DCLRE1A: variants seen among roughly 807,000 people sequenced by gnomAD.
DCLRE1A encodes DNA cross-link repair 1A protein.
In DCLRE1A, 64 loss-of-function variants were observed where a neutral mutation model predicts 91.9. The observed-to-expected ratio is 0.70, with a 90% confidence interval of 0.57 to 0.86. DCLRE1A has a LOEUF of 0.86. Ranked by LOEUF, DCLRE1A falls within the 40% of genes least tolerant of loss-of-function variation. DCLRE1A has a pLI of 0.00. For synonymous variants in DCLRE1A, 416 were observed against 431.1 expected (o/e 0.96, Z 0.43); for missense variants, 1,145 against 1,213.3 (o/e 0.94, Z 0.84).
rs1845687954 is a variant in DCLRE1A at position 113,853,104 on chromosome 10, C to T, written c.79G>A (p.Gly27Ser). The T allele has an allele frequency of 1.2e-6, 2 of 1,606,028 alleles. No homozygotes were observed. Among genetic ancestry groups the T allele is most frequent in the Non-Finnish European group, 1.7e-6 (2 of 1,178,194 alleles). The change falls in exon 1 of 9, where the codon GGC becomes AGC. Residue 27 changes from glycine to serine, a missense_variant. Coordinates refer to ENST00000361384, the MANE Select transcript of DCLRE1A (RefSeq NM_014881.5). ...RKPKRVDPNN[G>S]SKNILKSVEK... is the part of the protein sequence containing the mutation. ...ACAGATTTTAGAATATTTTTAGAGC[C>T]ATTATTTGGATCAACTCGTTTTGGT...
At chr10:113,851,915 T>C (rs1437892578) in intron 1 of DCLRE1A, among the ~76,000 whole-genome samples, 1 of 152,170 alleles carries the variant, frequency 6.6e-6, no homozygotes, top group African/African-American at 2.4e-5. Flanking sequence ...TTTCACCATG[T>C]TGCACAGGCT....
Position 113,849,779 on chromosome 10 carries a change from T to G in DCLRE1A, c.1326A>C (p.Lys442Asn), listed in dbSNP as rs151166777. The G allele has an allele frequency of 7.4e-6, 12 of 1,614,066 alleles. No homozygotes were observed. In the African/African-American group the frequency reaches 1.6e-4, roughly 22 times the overall value. Residue 442 changes from lysine to asparagine, a missense_variant, in exon 2 of 9, where the codon AAA becomes AAC. Physicochemically the swap from Lys to Asn is moderately conservative, Grantham distance 94 (BLOSUM62 0). Transcript: ENST00000361384. The part of the protein sequence containing the change: ...EPEFHSAQSN[K>N]QKQVIEESSV... ...ATGATTCTTCAATTACCTGTTTCTG[T>G]TTATTTGATTGAGCTGAGTGAAATT...
intron 1 of DCLRE1A, among the ~76,000 whole-genome samples, chr10:113,851,919 A>C (rs1012112242): frequency 3.9e-5 from 6 of 152,012 alleles, no homozygotes; most frequent in Non-Finnish European, 8.8e-5. Flanking sequence ...ACCATGTTGC[A>C]CAGGCTGGTC....
chr10:113,851,823 T>TGGG, intron 1 of DCLRE1A, among the ~76,000 whole-genome samples: 1 of 151,784 alleles, frequency 6.6e-6, no homozygotes, highest in Non-Finnish European at 1.5e-5. Context: ...CCTCTTGGGC[T>TGGG]CAGGTGATCC....
intron 1 of DCLRE1A, 133 bp downstream of exon 1, chr10:113,852,590 G>C: frequency 1.2e-6 from 1 of 809,178 alleles, no homozygotes; most frequent in East Asian, 2.7e-5. Flanking sequence ...CCGTTGACTG[G>C]TATGGTGTTT....
At chr10:113,843,566 C>A (rs1593073493) in intron 5 of DCLRE1A, among the ~76,000 whole-genome samples, 1 of 152,132 alleles carries the variant, frequency 6.6e-6, no homozygotes, top group East Asian at 1.9e-4. Flanking sequence ...TCACATCATA[C>A]ACCAGAAATA....
Position 113,850,382 on chromosome 10 carries a change from CAG to C in DCLRE1A, c.721_722del (p.Leu241AspfsTer2), listed in dbSNP as rs758531149. ...TAGAAATCTTTTCACTGGCTTCAGT[CAG>C]AGACGGAGACTTTTTAAAATACTGT... The part of the protein sequence containing the change: ...MTQYFKKSPS[L>X]TEASEKISTH... On this transcript the variant is annotated frameshift_variant, in exon 2 of 9. Transcript: ENST00000361384. LOFTEE classifies it high-confidence loss of function. The C allele has an allele frequency of 1.6e-5, 26 of 1,614,072 alleles. No individual in the cohort carries two copies. Among genetic ancestry groups the C allele is most frequent in the Non-Finnish European group, 2.0e-5 (24 of 1,180,044 alleles).
intron 8 of DCLRE1A, among the ~76,000 whole-genome samples, chr10:113,835,960 T>G (rs1032676820): frequency 4.6e-5 from 7 of 152,154 alleles, no homozygotes; most frequent in African/African-American, 7.2e-5. Context: ...AATAATAAGA[T>G]AGTGAGTTTT....
chr10:113,834,935 A>T lies in DCLRE1A; in HGVS notation c.*217T>A. 1 of 433,532 alleles carries T rather than the reference A, an allele frequency of 2.3e-6. No individual in the cohort carries two copies. The highest frequency in any genetic ancestry group is 4.0e-6 in the Non-Finnish European group (1 of 249,564). 26.9% of individuals were successfully genotyped at this position (433,532 alleles called of 1,614,324 possible). A position where few individuals can be genotyped will look rare whatever the true frequency, so the allele number is the denominator to read the frequency against. On this transcript the variant is annotated 3_prime_UTR_variant, in exon 9 of 9. Coordinates refer to ENST00000361384, the MANE Select transcript of DCLRE1A (RefSeq NM_014881.5). ...CATGGAGGGCAGGGGACAAGAAATT[A>T]AGGGTCCCAGGGAGACCCAGTTTCA...
intron 3 of DCLRE1A, among the ~76,000 whole-genome samples, chr10:113,846,351 C>T (rs1461776206): frequency 3.3e-5 from 5 of 152,140 alleles, no homozygotes; most frequent in Non-Finnish European, 5.9e-5. Flanking sequence ...TTCAAGAATG[C>T]TGTGAAGATT....
chr10:113,837,423 G>GA lies in DCLRE1A; in HGVS notation c.2821-221dup, dbSNP rs17228863. On this transcript the variant is annotated intron_variant, in intron 7 of 8. Transcript: ENST00000361384. ...TCTGAAGTTAAACAAGTACAGTCTG[G>GA]AAAAAAAAGTATAGCGAGACAACTT... Among the ~76,000 whole-genome samples, 414 of 151,192 alleles carry GA rather than the reference G, an allele frequency of 2.7e-3. 3 individuals carry two copies. Among genetic ancestry groups the GA allele is most frequent in the African/African-American group, 9.6e-3 (396 of 41,252 alleles).
At chr10:113,847,898 T>A (rs555868167) in intron 2 of DCLRE1A, among the ~76,000 whole-genome samples, 1 of 152,222 alleles carries the variant, frequency 6.6e-6, no homozygotes, top group Non-Finnish European at 1.5e-5. Context: ...TGAGAAATAC[T>A]GTTCTAAAAT....
At chr10:113,842,554 C>T (rs907889450) in intron 5 of DCLRE1A, 66 bp from the exon 6 acceptor site, 12 of 1,487,460 alleles carry the variant, frequency 8.1e-6, no homozygotes, top group African/African-American at 2.8e-5. Flanking sequence ...AAGCTGGATG[C>T]TATTTTAGAA....
chr10:113,852,662 G>T, intron 1 of DCLRE1A, 61 bp downstream of exon 1: 1 of 1,475,814 alleles, frequency 6.8e-7, no homozygotes, highest in Non-Finnish European at 9.1e-7. Flanking sequence ...GAATTGGTAT[G>T]TCTGACCTAA....
intron 1 of DCLRE1A, among the ~76,000 whole-genome samples, chr10:113,851,749 C>T (rs1440296954): frequency 1.3e-5 from 2 of 149,416 alleles, no homozygotes; most frequent in African/African-American, 2.5e-5. Context: ...CAGACAAGGT[C>T]TCCCTCTGTC....
In DCLRE1A at chr10:113,848,987, T is replaced by C. The variant is rs1184673168; in HGVS notation, c.2118A>G (p.Lys706=). 2 of 1,609,566 alleles carry C rather than the reference T, an allele frequency of 1.2e-6. No individual in the cohort carries two copies. The highest frequency in any genetic ancestry group is 2.2e-5 in the East Asian group (1 of 44,862). ...ATTGACATTTCAACTTACCAGGTAT[T>C]TTCTTATAGAATGGACATGTCTTTT... ...SRKKTCPFYK[K]IPGTGFTVDA... The change falls in exon 2 of 9, where the codon AAA becomes AAG. Residue 706 remains lysine (K), a synonymous_variant. Transcript: ENST00000361384.
In DCLRE1A at chr10:113,836,965, G is replaced by C. The variant is rs530071758; in HGVS notation, c.2962+97C>G. 3.1e-4 allele frequency: 328 copies of C among 1,045,812 alleles called. 2 individuals are homozygous for C. The South Asian group carries it at 5.6e-3, about 18-fold the overall frequency. 64.8% of individuals were successfully genotyped at this position (1,045,812 alleles called of 1,614,324 possible). A position where few individuals can be genotyped will look rare whatever the true frequency, so the allele number is the denominator to read the frequency against. ...AAACTCTTGAATTATTAAATTCTTT[G>C]GTGCCTGTTTTTGTTGGATTTGAAC... On this transcript the variant is annotated intron_variant, in intron 8 of 8. Transcript: ENST00000361384.
At position 113,845,704 on chromosome 10, in the gene DCLRE1A, C is replaced by T; in HGVS notation, c.2359G>A (p.Val787Ile). Reference protein sequence around the residue: ...TECIVNGVKVVLLDANHCPGA... With the variant: ...TECIVNGVKVILLDANHCPGA... ...ACTTACTGATTGGCATCAAGCAAAA[C>T]AACTTTGACACCATTCACAATACAT... is the stretch of plus-strand genomic sequence containing the variant. The change falls in exon 4 of 9, where the codon GTT (valine) becomes ATT (isoleucine). Residue 787 changes from valine to isoleucine, a missense_variant. Transcript: ENST00000361384. 3.7e-6 allele frequency: 6 copies of T among 1,614,064 alleles called. No homozygotes were observed. Among genetic ancestry groups the T allele is most frequent in the Non-Finnish European group, 5.1e-6 (6 of 1,179,962 alleles).
chr10:113,840,662 T>C (rs1196387827), intron 7 of DCLRE1A, among the ~76,000 whole-genome samples: 1 of 152,208 alleles, frequency 6.6e-6, no homozygotes, highest in Admixed American at 6.5e-5. Context: ...CTTCACACCA[T>C]GCTCTAGTCT....
Sources: allele counts gnomAD v4.1 joint callset (sites outside exome capture counted in the v4.1 genomes callset), GRCh38; gene constraint gnomAD v4.1.1; transcripts MANE v1.5; gene names NCBI Gene and HGNC (gene_info 2026-07-23, HGNC 2026-07-21).